BANP: variants seen among roughly 807,000 people sequenced by gnomAD.
The protein encoded by BANP is BTG3 associated nuclear protein, also known as protein BANP.
Under a neutral mutation model 68.1 loss-of-function variants are expected in BANP, and 11 were observed. That is an observed-to-expected ratio of 0.16 (90% CI 0.10 to 0.27). The LOEUF is 0.27. Among genes scored for constraint, BANP ranks in the 10% least tolerant of loss-of-function variants. The probability of loss-of-function intolerance (pLI) is 1.00; values close to 1 mark genes in which losing one functional copy is unlikely to be tolerated. For synonymous variants in BANP, 329 were observed against 303.2 expected, an observed-to-expected ratio of 1.09 and a Z score of -0.88; for missense variants, 504 against 722.7, an observed-to-expected ratio of 0.70 and a Z score of 3.47.
intron 11 of BANP, among the ~76,000 whole-genome samples, chr16:88,049,880 T>C (rs1309220285): frequency 6.6e-6 from 1 of 152,212 alleles, no homozygotes; most frequent in Non-Finnish European, 1.5e-5. Context: ...ACATGTTTCC[T>C]CCTCCCTCTG....
At chr16:87,958,916 G>A (rs537752852) in intron 1 of BANP, among the ~76,000 whole-genome samples, 2 of 152,354 alleles carry the variant, frequency 1.3e-5, no homozygotes, top group African/African-American at 4.8e-5. Context: ...GAGGCTTCGG[G>A]ATCCATCCTT....
chr16:88,068,945 C>T (rs2089553126), intron 12 of BANP, among the ~76,000 whole-genome samples: 1 of 152,086 alleles, frequency 6.6e-6, no homozygotes, highest in South Asian at 2.1e-4. Flanking sequence ...GACTTGCTCT[C>T]TCTTTCCTGC....
At chr16:87,971,085 T>C (rs1398909602) in intron 1 of BANP, among the ~76,000 whole-genome samples, 1 of 151,054 alleles carries the variant, frequency 6.6e-6, no homozygotes, top group East Asian at 1.9e-4. Context: ...TTGTTTTTGT[T>C]AGTTTTTGAA....
intron 11 of BANP, among the ~76,000 whole-genome samples, chr16:88,048,745 C>T (rs1474630743): frequency 6.6e-6 from 1 of 151,698 alleles, no homozygotes; most frequent in Admixed American, 6.6e-5. Flanking sequence ...TCGGCACTCA[C>T]CACAGATTAA....
rs2078592129 is a variant in BANP, at chr16:88,033,257, C to T, written c.1200+12C>T. On this transcript the variant is annotated intron_variant, in intron 9 of 13. Coordinates refer to ENST00000682872, the MANE Select transcript of BANP (RefSeq NM_001386991.1). ...GACAGGTGCAAGTAGTACGTACCCT[C>T]TCCACCTCACACCTTGGGAAAGGGG... is the stretch of plus-strand genomic sequence containing the variant. 6.4e-7 allele frequency: 1 copy of T among 1,562,434 alleles called. No homozygotes were observed. The highest frequency in any genetic ancestry group is 1.2e-5 in the South Asian group (1 of 85,112).
intron 11 of BANP, among the ~76,000 whole-genome samples, chr16:88,061,952 C>T (rs2086938285): frequency 6.6e-6 from 1 of 152,200 alleles, no homozygotes; most frequent in Admixed American, 6.5e-5. Flanking sequence ...AGCCACCACG[C>T]CCAGCCTGAG....
chr16:88,007,270 G>A (rs761197291), intron 6 of BANP, among the ~76,000 whole-genome samples: 1 of 152,136 alleles, frequency 6.6e-6, no homozygotes, highest in African/African-American at 2.4e-5. Context: ...GTGTCTGGAC[G>A]TGGGCTCTCA....
chr16:88,026,156 A>G (rs2076944182), intron 7 of BANP, among the ~76,000 whole-genome samples: 1 of 152,246 alleles, frequency 6.6e-6, no homozygotes, highest in African/African-American at 2.4e-5. Flanking sequence ...CAGGTGGTAG[A>G]GAACTGGGGG....
intron 1 of BANP, among the ~76,000 whole-genome samples, chr16:87,968,373 A>G (rs540009691): frequency 1.3e-5 from 2 of 151,782 alleles, no homozygotes; most frequent in East Asian, 3.9e-4. Flanking sequence ...AGTCTTAGCT[A>G]CTCAGGAGAC....
intron 6 of BANP, among the ~76,000 whole-genome samples, chr16:88,010,539 G>A (rs1206451158): frequency 3.3e-5 from 5 of 152,228 alleles, no homozygotes; most frequent in African/African-American, 1.2e-4. Context: ...CTGGCACGCC[G>A]TGCTGACCTC....
chr16:87,960,559 C>T (rs2058950356), intron 1 of BANP, among the ~76,000 whole-genome samples: 1 of 152,192 alleles, frequency 6.6e-6, no homozygotes, highest in South Asian at 2.1e-4. Flanking sequence ...GCCCTTGTGC[C>T]TGGTACCCAG....
At chr16:88,001,118 G>C (rs1486904373) in intron 4 of BANP, among the ~76,000 whole-genome samples, 1 of 70,676 alleles carries the variant, frequency 1.4e-5, no homozygotes, top group Non-Finnish European at 2.5e-5. Flanking sequence ...TTCCAGACAC[G>C]TCTCCATGCA....
At chr16:87,967,408 G>A (rs1213594637) in intron 1 of BANP, among the ~76,000 whole-genome samples, 2 of 151,374 alleles carry the variant, frequency 1.3e-5, no homozygotes, top group Non-Finnish European at 1.5e-5. Context: ...ACACTCGGCC[G>A]TCAATAATAA....
chr16:87,963,558 G>C (rs898934042), intron 1 of BANP: 1 of 152,226 alleles, frequency 6.6e-6, no homozygotes, highest in Admixed American at 6.5e-5. Flanking sequence ...TCCACTTCCT[G>C]TGGAAATGAC....
Position 88,035,278 on chromosome 16 carries a change from T to A in BANP, c.1201-45T>A, listed in dbSNP as rs145025307. 17 of 1,516,476 alleles carry A rather than the reference T, an allele frequency of 1.1e-5. No individual in the cohort carries two copies. The South Asian group carries it at 1.9e-4, about 17-fold the overall frequency. The allele number at this position is 1,516,476 out of a possible 1,614,324, so 93.9% of individuals were successfully genotyped here. On this transcript the variant is annotated intron_variant, in intron 9 of 13. Transcript: ENST00000682872. ...GGAAGATGTTTCTTGTTTCCTTTGC[T>A]TTTGATTTTCTTCTGATGCTTCTTG...
chr16:88,068,597 C>T (rs962798685), intron 12 of BANP, among the ~76,000 whole-genome samples: 2 of 152,114 alleles, frequency 1.3e-5, no homozygotes, highest in African/African-American at 4.8e-5. Flanking sequence ...CACAGAAGAG[C>T]CCACTGGTGC....
chr16:88,025,375 G>A (rs2076793011), intron 7 of BANP, among the ~76,000 whole-genome samples: 2 of 152,204 alleles, frequency 1.3e-5, no homozygotes, highest in South Asian at 4.1e-4. Flanking sequence ...CTCAGCCTGG[G>A]GCTTCCTGAG....
rs139748091 is a variant in BANP, at chr16:88,010,298, C to T, written c.655+4033C>T. Among the ~76,000 whole-genome samples, 10 of 152,360 alleles carry T rather than the reference C, an allele frequency of 6.6e-5. No individual in the cohort carries two copies. In the East Asian group the frequency reaches 1.9e-3, roughly 29 times the overall value. On this transcript the variant is annotated intron_variant, in intron 6 of 13. Transcript: ENST00000682872. ...CTGTGTATGCATTTGATAATTCTTA[C>T]AAAACGTGACTGATCCTATACATAA...
rs531512330 is a variant in BANP at position 88,052,218 on chromosome 16, A to G, written c.1312-13049A>G. 3.3e-5 allele frequency among the ~76,000 whole-genome samples: 5 copies of G among 152,338 alleles called. No homozygotes were observed. The South Asian group carries it at 8.3e-4, about 25-fold the overall frequency. On this transcript the variant is annotated intron_variant, in intron 11 of 13. Coordinates refer to ENST00000682872, the MANE Select transcript of BANP (RefSeq NM_001386991.1). ...GGTCACTTCAGCTCAAATGTAGCAT[A>G]TGGACATTCCCTGGCATATCCACGT...
Sources: allele counts gnomAD v4.1 joint callset (sites outside exome capture counted in the v4.1 genomes callset), GRCh38; gene constraint gnomAD v4.1.1; transcripts MANE v1.5; gene names NCBI Gene and HGNC (gene_info 2026-07-23, HGNC 2026-07-21).